Variants in TYSND1 observed in about 807,000 individuals in gnomAD.
TYSND1 encodes the protein trypsin like peroxisomal matrix peptidase 1.
Under a neutral mutation model 37.2 loss-of-function variants are expected in TYSND1, and 30 were observed. The ratio of observed to expected loss-of-function variants is 0.81; its 90% CI spans 0.60 to 1.09. TYSND1 has a LOEUF of 1.09. Ranked by LOEUF, TYSND1 falls within the 50% of genes least tolerant of loss-of-function variation. The probability of loss-of-function intolerance (pLI) is 0.00; values close to 1 mark genes in which losing one functional copy is unlikely to be tolerated. For missense variants in TYSND1, 806 were observed against 817.4 expected (o/e 0.99, Z 0.17); for synonymous variants, 364 against 383.8 (o/e 0.95, Z 0.60).
chr10:70,146,001 C>T lies in TYSND1; in HGVS notation c.586G>A (p.Glu196Lys), dbSNP rs753009307. 2.0e-5 allele frequency: 32 copies of T among 1,587,780 alleles called. No homozygotes were observed. Among genetic ancestry groups the T allele is most frequent in the African/African-American group, 4.0e-5 (3 of 74,112 alleles). ...ALLGVRLGQE[E>K]VEEERGPAMA... is the part of the protein sequence containing the mutation. Reference sequence around the variant, plus strand: ...GCTGGCCCGCGCTCCTCCTCCACCTCCTCCTGGCCTAGCCGCACGCCCAGC... The same window carrying T: ...GCTGGCCCGCGCTCCTCCTCCACCTTCTCCTGGCCTAGCCGCACGCCCAGC... The change falls in exon 1 of 4, where the codon GAG becomes AAG. Residue 196 changes from glutamate (E) to lysine (K), a missense_variant. Around this residue, in one of 3 missense-constraint regions of TYSND1, gnomAD observed 708 missense variants for 705.4 expected, o/e 1.00. Coordinates refer to ENST00000287078, the MANE Select transcript of TYSND1 (RefSeq NM_173555.4).
rs1363397219 is a variant in TYSND1, at chr10:70,138,444, T to A, written c.*1480A>T. 6.6e-6 allele frequency: 1 copy of A among 152,210 alleles called. No individual in the cohort carries two copies. Among genetic ancestry groups the A allele is most frequent in the Non-Finnish European group, 1.5e-5 (1 of 68,066 alleles). The allele number at this position is 152,210 out of a possible 1,614,324, so 9.4% of individuals were successfully genotyped here. ...CAGCACACAGGTGTTAGAAACAAGT[T>A]ACTCCTAAGCACTCTTCCTGCGTGG... is the stretch of plus-strand genomic sequence containing the variant. On this transcript the variant is annotated 3_prime_UTR_variant, in exon 4 of 4. Transcript: ENST00000287078.
At chr10:70,144,144 T>C (rs376696702) in intron 1 of TYSND1, 172 bp from the exon 2 acceptor site, 2 of 775,600 alleles carry the variant, frequency 2.6e-6, no homozygotes. Flanking sequence ...TCTCCAAAGG[T>C]GGTTGACAAA....
chr10:70,144,723 T>A, intron 1 of TYSND1: 1 of 985,606 alleles, frequency 1.0e-6, no homozygotes, highest in Middle Eastern at 5.2e-4. Flanking sequence ...CAAACCTTCA[T>A]CATCAGTCTT....
intron 3 of TYSND1, among the ~76,000 whole-genome samples, chr10:70,141,239 C>CTT (rs34072247): frequency 4.0e-5 from 5 of 126,194 alleles, no homozygotes; most frequent in Admixed American, 7.9e-5. Flanking sequence ...CCATACCTGG[C>CTT]TTTTTTTTTT....
intron 1 of TYSND1, chr10:70,144,448 GA>G: frequency 1.0e-6 from 1 of 996,758 alleles, no homozygotes; most frequent in Non-Finnish European, 1.2e-6. Context: ...GGTCAGATAT[GA>G]CATGGTTTCA....
intron 1 of TYSND1, 139 bp downstream of exon 1, chr10:70,145,282 G>A: frequency 2.5e-6 from 2 of 794,530 alleles, no homozygotes; most frequent in Non-Finnish European, 3.4e-6. Flanking sequence ...TGAGGGGAGG[G>A]TTCCAGGTCT....
At chr10:70,140,985 CTT>C (rs1194811903) in intron 3 of TYSND1, among the ~76,000 whole-genome samples, 1 of 148,646 alleles carries the variant, frequency 6.7e-6, no homozygotes, top group East Asian at 2.0e-4. Context: ...TTTTTTTGTT[CTT>C]GTTTTTGTTT....
chr10:70,144,808 C>T lies in TYSND1; in HGVS notation c.1166+613G>A, dbSNP rs368113620. On this transcript the variant is annotated intron_variant, in intron 1 of 3. Coordinates refer to ENST00000287078, the MANE Select transcript of TYSND1 (RefSeq NM_173555.4). ...CAAAACTGGGCAGTGTTACCCACAC[C>T]TGGCTAAGCTTGGGGATTCAGGAAG... The T allele has an allele frequency of 8.1e-6, 8 of 985,254 alleles. 1 individual carries two copies. In the East Asian group the frequency reaches 4.5e-4, roughly 56 times the overall value. 61.0% of individuals were successfully genotyped at this position (985,254 alleles called of 1,614,324 possible).
At chr10:70,144,772 G>C in intron 1 of TYSND1, 1 of 985,546 alleles carries the variant, frequency 1.0e-6, no homozygotes, top group Non-Finnish European at 1.2e-6. Flanking sequence ...CCACAGTGGG[G>C]ACACCTATGG....
chr10:70,144,134 T>C (rs542461982), intron 1 of TYSND1, 162 bp from the exon 2 acceptor site: 1 of 823,768 alleles, frequency 1.2e-6, no homozygotes, highest in African/African-American at 1.7e-5. Flanking sequence ...TTCTGTGGTA[T>C]CTCCAAAGGT....
chr10:70,145,782 C>T lies in TYSND1; in HGVS notation c.805G>A (p.Ala269Thr). 5 of 1,468,202 alleles carry T rather than the reference C, an allele frequency of 3.4e-6. No individual in the cohort carries two copies. The highest frequency in any genetic ancestry group is 4.5e-6 in the Non-Finnish European group (5 of 1,118,206). 90.9% of individuals were successfully genotyped at this position (1,468,202 alleles called of 1,614,324 possible). Reference sequence around the variant, plus strand: ...GCCACCAGCGCCCCCGCGGGCCGCGCGGTGAACACGCCGCCGCCCTCGGTG... The same window carrying T: ...GCCACCAGCGCCCCCGCGGGCCGCGTGGTGAACACGCCGCCGCCCTCGGTG... ...PGTEGGGVFT[A>T]RPAGALVALV... Residue 269 changes from alanine (A) to threonine (T), a missense_variant, in exon 1 of 4, where the codon GCG (alanine) becomes ACG (threonine). Transcript: ENST00000287078.
At position 70,145,553 on chromosome 10, in the gene TYSND1, G is replaced by A; in HGVS notation, c.1034C>T (p.Ala345Val). The change falls in exon 1 of 4, where the codon GCC becomes GTC. Residue 345 changes from alanine to valine, a missense_variant. Physicochemically the swap from Ala to Val is moderately conservative, Grantham distance 64. Transcript: ENST00000287078. ...GCCGCACTCCACCAACACTGCCGCG[G>A]CTGCCCACAGGGGCCCGGAGTCTCG... ...PLRDSGPLWA[A>V]AAVLVECGTV... 2 of 1,496,400 alleles carry A rather than the reference G, an allele frequency of 1.3e-6. No homozygotes were observed. The highest frequency in any genetic ancestry group is 8.9e-7 in the Non-Finnish European group (1 of 1,128,560). The allele number at this position is 1,496,400 out of a possible 1,614,324, so 92.7% of individuals were successfully genotyped here.
At position 70,139,557 on chromosome 10, in the gene TYSND1, G is replaced by C. The variant is rs1457318090; in HGVS notation, c.*367C>G. The C allele has an allele frequency of 5.3e-6, 1 of 187,858 alleles. No individual in the cohort carries two copies. Among genetic ancestry groups the C allele is most frequent in the African/African-American group, 2.3e-5 (1 of 42,736 alleles). The allele number at this position is 187,858 out of a possible 1,614,324, so 11.6% of individuals were successfully genotyped here. On this transcript the variant is annotated 3_prime_UTR_variant, in exon 4 of 4. Coordinates refer to ENST00000287078, the MANE Select transcript of TYSND1 (RefSeq NM_173555.4). Reference sequence around the variant, plus strand: ...TCCAGGATGACGATGGCCCTCAGGGGAACAGACGCAAAACCAGGCACGGGC... The same window carrying C: ...TCCAGGATGACGATGGCCCTCAGGGCAACAGACGCAAAACCAGGCACGGGC...
In TYSND1 at chr10:70,143,816, T is replaced by C. The variant is rs770324156; in HGVS notation, c.1297+26A>G. 4 of 1,613,246 alleles carry C rather than the reference T, an allele frequency of 2.5e-6. No homozygotes were observed. The African/African-American group carries it at 5.3e-5, about 22-fold the overall frequency. Reference sequence around the variant, plus strand: ...CCACCCTAGCTCAGAGGGGCCCTCCTTCAGGCTGCGCCCTTCGTCCTTTAC... The same window carrying C: ...CCACCCTAGCTCAGAGGGGCCCTCCCTCAGGCTGCGCCCTTCGTCCTTTAC... On this transcript the variant is annotated intron_variant, in intron 2 of 3. Coordinates refer to ENST00000287078, the MANE Select transcript of TYSND1 (RefSeq NM_173555.4).
chr10:70,143,886 A>C lies in TYSND1; in HGVS notation c.1253T>G (p.Leu418Arg). Residue 418 changes from leucine (L) to arginine (R), a missense_variant, in exon 2 of 4, where the codon CTG becomes CGG. This residue lies in a region of TYSND1 where 708 missense variants were observed against 705.4 expected (regional missense o/e 1.00). Transcript: ENST00000287078. The part of the protein sequence containing the change: ...DIAVVSLEED[L>R]DDVPIPVPAE... ...GGGCACAGGGATGGGGACATCATCC[A>C]GGTCCTCCTCCAGGCTCACCACTGC... is the stretch of plus-strand genomic sequence containing the variant. 1 of 1,614,202 alleles carries C rather than the reference A, an allele frequency of 6.2e-7. No individual in the cohort carries two copies. Among genetic ancestry groups the C allele is most frequent in the Non-Finnish European group, 8.5e-7 (1 of 1,180,028 alleles).
rs1161099580 is a variant in TYSND1 at position 70,142,716 on chromosome 10, C to T, written c.1435G>A (p.Gly479Ser). 5 of 1,610,866 alleles carry T rather than the reference C, an allele frequency of 3.1e-6. No homozygotes were observed. The highest frequency in any genetic ancestry group is 4.2e-6 in the Non-Finnish European group (5 of 1,178,380). ...MLQTTCAVHS[G>S]SSGGPLFSNH... The stretch of plus-strand genomic sequence containing the variant: ...GAGAAGAGGGGTCCCCCACTGGAGC[C>T]GCTGTGCACAGCACACGTGGTCTGC... The change falls in exon 3 of 4, where the codon GGC (glycine) becomes AGC (serine). Residue 479 changes from glycine to serine, a missense_variant. Coordinates refer to ENST00000287078, the MANE Select transcript of TYSND1 (RefSeq NM_173555.4).
rs754480555 is a variant in TYSND1 at position 70,144,749 on chromosome 10, G to A, written c.1166+672C>T. 39 of 985,458 alleles carry A rather than the reference G, an allele frequency of 4.0e-5. No homozygotes were observed. In the South Asian group the frequency reaches 5.2e-4, roughly 13 times the overall value. The allele number at this position is 985,458 out of a possible 1,614,324, so 61.0% of individuals were successfully genotyped here. On this transcript the variant is annotated intron_variant, in intron 1 of 3. Transcript: ENST00000287078. ...CATCAGTCTTCCCTATAAAGTCATGGCTGTCCTATAGGCCACAGTGGGGAC... is the reference window on the plus strand; with the variant it reads ...CATCAGTCTTCCCTATAAAGTCATGACTGTCCTATAGGCCACAGTGGGGAC...
intron 2 of TYSND1, 146 bp from the exon 3 acceptor site, chr10:70,142,999 G>C (rs2072809516): frequency 4.2e-6 from 4 of 942,178 alleles, no homozygotes. Context: ...CCTCCAGAGA[G>C]CCTTCCCCAT....
Position 70,146,526 on chromosome 10 carries a change from C to A in TYSND1, c.61G>T (p.Ala21Ser). The change falls in exon 1 of 4, where the codon GCC (alanine) becomes TCC (serine). Residue 21 changes from alanine to serine, a missense_variant. Around this residue, in one of 3 missense-constraint regions of TYSND1, gnomAD observed 84 missense variants for 79.0 expected, o/e 1.06. Transcript: ENST00000287078. The part of the protein sequence containing the change: ...AAEQAGCMVS[A>S]SRAGQPEAGP... The stretch of plus-strand genomic sequence containing the variant: ...GCCTCGGGCTGTCCGGCCCGGGAGG[C>A]GCTCACCATGCAGCCCGCCTGCTCG... The A allele has an allele frequency of 1.3e-6, 2 of 1,587,000 alleles. No homozygotes were observed. Among genetic ancestry groups the A allele is most frequent in the Non-Finnish European group, 8.5e-7 (1 of 1,173,910 alleles).
Sources: allele counts gnomAD v4.1 joint callset (sites outside exome capture counted in the v4.1 genomes callset), GRCh38; gene constraint gnomAD v4.1.1; regional missense constraint gnomAD v4.1.1; transcripts MANE v1.5; gene names NCBI Gene and HGNC (gene_info 2026-07-23, HGNC 2026-07-21).